The following CHODL variants were observed in gnomAD, a reference collection of about 807,000 sequenced individuals.
CHODL encodes the protein transmembrane protein MT75.
Under a neutral mutation model 34.5 loss-of-function variants are expected in CHODL, and 29 were observed. The observed-to-expected ratio is 0.84, with a 90% CI of 0.63 to 1.15. The LOEUF (loss-of-function observed/expected upper bound fraction) is 1.15. CHODL is among the 50% of genes most tolerant of loss of function. The pLI, the probability that CHODL is intolerant of heterozygous loss-of-function variation, is 0.00. For missense variants in CHODL, 332 were observed against 332.5 expected (o/e 1.00, Z 0.01); for synonymous variants, 125 against 116.1 (o/e 1.08, Z -0.49).
At chr21:18,264,621 A>G (rs1036420511) in intron 5 of CHODL, among the ~76,000 whole-genome samples, 214 of 145,510 alleles carry the variant, frequency 1.5e-3, no homozygotes, top group African/African-American at 5.3e-3. Flanking sequence ...AAAAAAAAAA[A>G]AAAGAGAGAG....
At chr21:18,093,124 A>G (rs949275879) in intron 2 of CHODL, among the ~76,000 whole-genome samples, 1 of 152,206 alleles carries the variant, frequency 6.6e-6, no homozygotes, top group African/African-American at 2.4e-5. Flanking sequence ...TGGTGCTTCA[A>G]CGCATCTGGT....
At chr21:17,988,710 C>T (rs1472925804) in intron 1 of CHODL, among the ~76,000 whole-genome samples, 1 of 150,386 alleles carries the variant, frequency 6.6e-6, no homozygotes, top group East Asian at 2.0e-4. Flanking sequence ...CATCCATGTC[C>T]CTACAAAGGA....
At chr21:18,053,714 A>C (rs773581345) in intron 2 of CHODL, among the ~76,000 whole-genome samples, 6 of 151,900 alleles carry the variant, frequency 3.9e-5, no homozygotes. Context: ...AGTGAGAAGT[A>C]CAAAGAGTTG....
chr21:18,076,359 CTT>C lies in CHODL; in HGVS notation c.-45+48390_-45+48391del. Among the ~76,000 whole-genome samples the C allele has an allele frequency of 2.0e-5, 3 of 152,236 alleles. No individual in the cohort carries two copies. In the East Asian group the frequency reaches 5.8e-4, roughly 29 times the overall value. On this transcript the variant is annotated intron_variant, in intron 2 of 6. Transcript: ENST00000400127. Reference sequence around the variant, plus strand: ...CATCTTGTTGTGAAGTGGCAAAAAACTTTGTTCAAATTGTGTTCATGTCCAAG... The same window carrying C: ...CATCTTGTTGTGAAGTGGCAAAAAACTGTTCAAATTGTGTTCATGTCCAAG...
intron 1 of CHODL, among the ~76,000 whole-genome samples, chr21:17,945,284 A>T (rs1285325802): frequency 6.6e-6 from 1 of 152,070 alleles, no homozygotes; most frequent in Non-Finnish European, 1.5e-5. Flanking sequence ...TGACTAAAAA[A>T]AATTTAGAAT....
At chr21:18,159,088 C>A (rs905793240) in intron 2 of CHODL, among the ~76,000 whole-genome samples, 4 of 152,076 alleles carry the variant, frequency 2.6e-5, no homozygotes, top group African/African-American at 7.2e-5. Flanking sequence ...AATGCAGACA[C>A]TTTTTACCCC....
intron 2 of CHODL, among the ~76,000 whole-genome samples, chr21:18,029,087 A>AATT (rs2064217920): frequency 6.6e-6 from 1 of 152,046 alleles, no homozygotes; most frequent in South Asian, 2.1e-4. Flanking sequence ...TGGCCTCTTT[A>AATT]ATTTTTTTCT....
At chr21:18,239,579 C>G (rs1280981025) in intron 2 of CHODL, among the ~76,000 whole-genome samples, 1 of 152,038 alleles carries the variant, frequency 6.6e-6, no homozygotes. Flanking sequence ...ATGAATGCCA[C>G]AAAGGAATAT....
Position 17,987,212 on chromosome 21 carries a change from G to T in CHODL, c.-144-40660G>T, listed in dbSNP as rs938119266. 4.6e-5 allele frequency among the ~76,000 whole-genome samples: 7 copies of T among 152,176 alleles called. No homozygotes were observed. The South Asian group carries it at 8.3e-4, about 18-fold the overall frequency. On this transcript the variant is annotated intron_variant, in intron 1 of 6. Coordinates refer to the CHODL transcript ENST00000400127. Reference sequence around the variant, plus strand: ...CCAATCTCAGCCAACAGGAGGCAGGGTTATTATTCCTAAAAACTAAGCCAG... The same window carrying T: ...CCAATCTCAGCCAACAGGAGGCAGGTTTATTATTCCTAAAAACTAAGCCAG...
At chr21:18,101,855 C>G (rs1471978966) in intron 2 of CHODL, among the ~76,000 whole-genome samples, 2 of 151,798 alleles carry the variant, frequency 1.3e-5, no homozygotes, top group East Asian at 3.9e-4. Context: ...ATAATGAAAT[C>G]CATATTTGCT....
At chr21:18,160,363 G>T (rs1189424659) in intron 2 of CHODL, among the ~76,000 whole-genome samples, 1 of 151,952 alleles carries the variant, frequency 6.6e-6, no homozygotes, top group African/African-American at 2.4e-5. Context: ...TTTAAGTTCA[G>T]GGGTACAAGT....
chr21:18,079,843 T>TAA (rs2064918939), intron 2 of CHODL, among the ~76,000 whole-genome samples: 1 of 152,076 alleles, frequency 6.6e-6, no homozygotes, highest in Non-Finnish European at 1.5e-5. Flanking sequence ...TTTGCTATAA[T>TAA]CCTACACAGT....
intron 1 of CHODL, among the ~76,000 whole-genome samples, chr21:17,980,057 C>T (rs1212710342): frequency 6.7e-6 from 1 of 149,398 alleles, no homozygotes; most frequent in Non-Finnish European, 1.5e-5. Flanking sequence ...GAATTGTCCC[C>T]TTCTTTTCTT....
chr21:18,144,127 C>T (rs1262131067), intron 2 of CHODL, among the ~76,000 whole-genome samples: 3 of 151,920 alleles, frequency 2.0e-5, no homozygotes, highest in African/African-American at 7.2e-5. Flanking sequence ...ATAATAGTAA[C>T]CAAGGCTTGA....
At chr21:18,265,532 G>C (rs956165182) in intron 5 of CHODL, among the ~76,000 whole-genome samples, 3 of 151,970 alleles carry the variant, frequency 2.0e-5, no homozygotes, top group African/African-American at 7.3e-5. Flanking sequence ...GGAAAGAGTA[G>C]GAAGGGGGTG....
chr21:18,132,414 G>A (rs558090894), intron 2 of CHODL, among the ~76,000 whole-genome samples: 2 of 152,116 alleles, frequency 1.3e-5, no homozygotes, highest in East Asian at 3.9e-4. Context: ...CAATTACTTA[G>A]GTGTCCTCCA....
intron 1 of CHODL, among the ~76,000 whole-genome samples, chr21:18,017,883 G>A (rs896565461): frequency 1.1e-4 from 17 of 152,364 alleles, no homozygotes; most frequent in African/African-American, 3.6e-4. Context: ...ACACTGCAAC[G>A]CCAGAGCGGT....
intron 1 of CHODL, among the ~76,000 whole-genome samples, chr21:17,946,369 G>A (rs905637799): frequency 6.6e-5 from 10 of 152,288 alleles, no homozygotes; most frequent in African/African-American, 1.2e-4. Flanking sequence ...GCAGTGAGCC[G>A]AGATGGCGCC....
intron 1 of CHODL, among the ~76,000 whole-genome samples, chr21:17,988,419 T>TTC (rs1295384703): frequency 7.7e-6 from 1 of 129,416 alleles, no homozygotes; most frequent in African/African-American, 3.0e-5. Flanking sequence ...TTATTATACT[T>TTC]TAAGTTTTAG....
Sources: gnomAD v4.1 joint callset for allele counts (sites outside exome capture counted in the v4.1 genomes callset) on GRCh38, gnomAD v4.1.1 for gene constraint, MANE v1.5 for transcripts, NCBI Gene and HGNC (gene_info 2026-07-23, HGNC 2026-07-21) for gene names.